Variants in WIZ observed in about 807,000 individuals in gnomAD.
WIZ encodes the protein WIZ zinc finger, also known as protein Wiz.
WIZ carries 25 observed loss-of-function variants against 140.2 expected under a neutral mutation model. The ratio of observed to expected loss-of-function variants is 0.18; its 90% CI spans 0.13 to 0.25. WIZ has a LOEUF of 0.25. Among genes scored for constraint, WIZ ranks in the 10% least tolerant of loss-of-function variants. WIZ has a pLI of 1.00. For synonymous variants in WIZ, 1,125 were observed against 1,154.3 expected (o/e 0.97, Z 0.51); for missense variants, 2,231 against 2,632.6 (o/e 0.85, Z 3.34).
At chr19:15,426,372 C>T (rs1032859671) in intron 9 of WIZ, among the ~76,000 whole-genome samples, 7 of 152,104 alleles carry the variant, frequency 4.6e-5, no homozygotes, top group East Asian at 3.9e-4. Context: ...GACAGGCAAG[C>T]GAGCAAGTGA....
chr19:15,437,618 G>T (rs1410406107), intron 4 of WIZ, among the ~76,000 whole-genome samples: 4 of 152,174 alleles, frequency 2.6e-5, no homozygotes, highest in Non-Finnish European at 4.4e-5. Flanking sequence ...ATTGCCCCAT[G>T]GCACTCCAGC....
chr19:15,427,637 A>G lies in WIZ; in HGVS notation c.3815-104T>C. The G allele has an allele frequency of 7.6e-7, 1 of 1,324,298 alleles. No homozygotes were observed. 82.0% of individuals were successfully genotyped at this position (1,324,298 alleles called of 1,614,324 possible). A position where few individuals can be genotyped will look rare whatever the true frequency, so the allele number is the denominator to read the frequency against. On this transcript the variant is annotated intron_variant, in intron 8 of 12. Transcript: ENST00000673675. The surrounding 1 kb of genome is among the most constrained non-coding windows in gnomAD (Gnocchi z 6.4). ...GGGCGTGGGCGGCAGCAGCACGCCC[A>G]CAGGTTAGGGTGGTGAGGGCAGGTG...
chr19:15,436,884 A>C lies in WIZ; in HGVS notation c.2662T>G (p.Ser888Ala). The part of the protein sequence containing the change: ...PGGPPGSFLT[S>A]RRPRLPLTVP... ...GTGAGAGGTAAGCGGGGCCGACGGG[A>C]GGTCAGGAAGCTGCCAGGCGGACCC... The change falls in exon 5 of 13, where the codon TCC (serine) becomes GCC (alanine). Residue 888 changes from serine to alanine, a missense_variant. Around this residue, in one of 15 missense-constraint regions of WIZ, gnomAD observed 137 missense variants for 135.8 expected, o/e 1.01. Coordinates refer to ENST00000673675, the MANE Select transcript of WIZ (RefSeq NM_001371589.1). 1 of 1,612,816 alleles carries C rather than the reference A, an allele frequency of 6.2e-7. No individual in the cohort carries two copies. Among genetic ancestry groups the C allele is most frequent in the Non-Finnish European group, 8.5e-7 (1 of 1,179,512 alleles).
intron 4 of WIZ, among the ~76,000 whole-genome samples, chr19:15,437,822 GC>G (rs1210922850): frequency 6.6e-6 from 1 of 152,178 alleles, no homozygotes; most frequent in Non-Finnish European, 1.5e-5. Flanking sequence ...TGGATGTAAT[GC>G]CCTCTGCTGG....
rs1969307862 is a variant in WIZ at position 15,432,380 on chromosome 19, C to T, written c.2741-1198G>A. ...AAGGCGTCGGGGGCGGCGGCACCGG[C>T]AGGCGGGATTCCGACCTTCCCCTCC... On this transcript the variant is annotated intron_variant, in intron 5 of 12. Transcript: ENST00000673675. The T allele has an allele frequency of 4.2e-6, 4 of 960,624 alleles. No individual in the cohort carries two copies. The South Asian group carries it at 1.9e-4, about 45-fold the overall frequency. The allele number at this position is 960,624 out of a possible 1,614,324, so 59.5% of individuals were successfully genotyped here. A position where few individuals can be genotyped will look rare whatever the true frequency, so the allele number is the denominator to read the frequency against.
chr19:15,442,581 G>C lies in WIZ; in HGVS notation c.278+95C>G. 1 of 978,914 alleles carries C rather than the reference G, an allele frequency of 1.0e-6. No homozygotes were observed. The highest frequency in any genetic ancestry group is 1.3e-6 in the Non-Finnish European group (1 of 756,848). The allele number at this position is 978,914 out of a possible 1,614,324, so 60.6% of individuals were successfully genotyped here. A position where few individuals can be genotyped will look rare whatever the true frequency, so the allele number is the denominator to read the frequency against. On this transcript the variant is annotated intron_variant, in intron 3 of 12. Coordinates refer to ENST00000673675, the MANE Select transcript of WIZ (RefSeq NM_001371589.1). The surrounding 1 kb of genome is among the most constrained non-coding windows in gnomAD (Gnocchi z 5.5). ...CTGCCTGGCCTCCTGATTCCCTCCT[G>C]TCCCCTTCTCATTCCCCAGGGGCTT...
Position 15,439,972 on chromosome 19 carries a change from G to A in WIZ, c.1022C>T (p.Pro341Leu), listed in dbSNP as rs866487031. The A allele has an allele frequency of 7.8e-6, 12 of 1,535,488 alleles. No homozygotes were observed. The highest frequency in any genetic ancestry group is 2.4e-5 in the East Asian group (1 of 40,874). ...CAGGTCCGCAGGGGGCTCCTGGCCC[G>A]GGGCTCGGCGGTGCTGGCTCATGTG... is the stretch of plus-strand genomic sequence containing the variant. ...LEHMSQHRRA[P>L]GQEPPADLAP... The change falls in exon 4 of 13, where the codon CCG (proline) becomes CTG (leucine). Residue 341 changes from proline to leucine, a missense_variant. Transcript: ENST00000673675. The surrounding 1 kb of genome is among the most constrained non-coding windows in gnomAD (Gnocchi z 7.0).
rs569828101 is a variant in WIZ, at chr19:15,440,841, G to T, written c.279-126C>A. The T allele has an allele frequency of 4.1e-4, 377 of 922,530 alleles. No homozygotes were observed. Among genetic ancestry groups the T allele is most frequent in the Non-Finnish European group, 5.2e-4 (330 of 634,882 alleles). The allele number at this position is 922,530 out of a possible 1,614,324, so 57.1% of individuals were successfully genotyped here. On this transcript the variant is annotated intron_variant, in intron 3 of 12. Coordinates refer to ENST00000673675, the MANE Select transcript of WIZ (RefSeq NM_001371589.1). This position sits in a 1 kb window ranked among gnomAD's most constrained non-coding sequence, Gnocchi z 6.2. ...GAGATCCAGCCCGAGGGTGACAGGGGTGTGGGGGTGAGGGTGGGAGGTAGG... is the reference window on the plus strand; with the variant it reads ...GAGATCCAGCCCGAGGGTGACAGGGTTGTGGGGGTGAGGGTGGGAGGTAGG...
rs1411768187 is a variant in WIZ, at chr19:15,422,653, T to C, written c.*423A>G. ...GAGGTGCGTGTTGTGTGTGTTCGCATGTACATGTGTGTGAGAGGATATTCA... is the reference window on the plus strand; with the variant it reads ...GAGGTGCGTGTTGTGTGTGTTCGCACGTACATGTGTGTGAGAGGATATTCA... On this transcript the variant is annotated 3_prime_UTR_variant, in exon 13 of 13. Coordinates refer to ENST00000673675, the MANE Select transcript of WIZ (RefSeq NM_001371589.1). 1.6e-5 allele frequency: 3 copies of C among 182,038 alleles called. No homozygotes were observed. Among genetic ancestry groups the C allele is most frequent in the African/African-American group, 7.1e-5 (3 of 42,390 alleles). The allele number at this position is 182,038 out of a possible 1,614,324, so 11.3% of individuals were successfully genotyped here.
rs774275162 is a variant in WIZ at position 15,439,125 on chromosome 19, C to CTCT, written c.1868_1869insAGA (p.Glu624dup). The CTCT allele has an allele frequency of 9.4e-6, 14 of 1,486,714 alleles. No homozygotes were observed. The highest frequency in any genetic ancestry group is 2.5e-5 in the East Asian group (1 of 39,982). The allele number at this position is 1,486,714 out of a possible 1,614,324, so 92.1% of individuals were successfully genotyped here. ...TCTCGGAGGTCAGCACTACATCCTCCTCCTCCTCCTCCTCCTCCTCCTCTT... is the reference window on the plus strand; with the variant it reads ...TCTCGGAGGTCAGCACTACATCCTCCTCTTCCTCCTCCTCCTCCTCCTCCTCTT... On this transcript the variant is annotated inframe_insertion, in exon 4 of 13. Transcript: ENST00000673675. This position sits in a 1 kb window ranked among gnomAD's most constrained non-coding sequence, Gnocchi z 7.0.
At chr19:15,430,200 G>A in intron 6 of WIZ, 111 bp from the exon 7 acceptor site, 1 of 1,400,370 alleles carries the variant, frequency 7.1e-7, no homozygotes, top group Non-Finnish European at 9.3e-7. Flanking sequence ...GAAGTGTTTT[G>A]CCTCCGTCAG....
chr19:15,433,354 G>A, intron 5 of WIZ: 1 of 985,248 alleles, frequency 1.0e-6, no homozygotes. Flanking sequence ...ACATTGCCCC[G>A]CCCCCAACCT....
intron 5 of WIZ, among the ~76,000 whole-genome samples, chr19:15,435,038 C>T (rs1022418135): frequency 1.3e-5 from 2 of 152,030 alleles, no homozygotes; most frequent in African/African-American, 4.8e-5. Flanking sequence ...ACCATCCTGG[C>T]TAACATAGTG....
In WIZ at chr19:15,423,037, A is replaced by T. The variant is rs749310500; in HGVS notation, c.*39T>A. ...GGACACAGAGGAGGAAGAAGAGGAG[A>T]CAGAGGTGGCACGAGAGGGGATCTG... On this transcript the variant is annotated 3_prime_UTR_variant, in exon 13 of 13. Coordinates refer to ENST00000673675, the MANE Select transcript of WIZ (RefSeq NM_001371589.1). 2.7e-5 allele frequency: 43 copies of T among 1,600,014 alleles called. No homozygotes were observed. In the South Asian group the frequency reaches 4.4e-4, roughly 16 times the overall value.
Position 15,427,546 on chromosome 19 carries a change from G to T in WIZ, c.3815-13C>A, listed in dbSNP as rs775321955. 1.9e-6 allele frequency: 3 copies of T among 1,598,728 alleles called. No homozygotes were observed. Among genetic ancestry groups the T allele is most frequent in the Non-Finnish European group, 2.6e-6 (3 of 1,170,222 alleles). On this transcript the variant is annotated splice_polypyrimidine_tract_variant and intron_variant, in intron 8 of 12. Transcript: ENST00000673675. The surrounding 1 kb of genome is among the most constrained non-coding windows in gnomAD (Gnocchi z 6.4). The stretch of plus-strand genomic sequence containing the variant: ...TCTGGGCCTGAGGCTGCAGCAGGAG[G>T]AGAAAGGGGCAGTTAGCATCGTGGA...
At chr19:15,432,754 C>T (rs916574716) in intron 5 of WIZ, among the ~76,000 whole-genome samples, 1 of 151,360 alleles carries the variant, frequency 6.6e-6, no homozygotes, top group African/African-American at 2.4e-5. Flanking sequence ...AGCAGCTGAG[C>T]GCCGAGTGCC....
intron 4 of WIZ, among the ~76,000 whole-genome samples, chr19:15,437,941 G>A (rs772104717): frequency 1.1e-4 from 16 of 152,096 alleles, no homozygotes; most frequent in African/African-American, 3.4e-4. Context: ...ACTCGGTGTC[G>A]TCACTGCCTG....
Position 15,439,174 on chromosome 19 carries a change from C to T in WIZ, c.1820G>A (p.Gly607Glu). Residue 607 changes from glycine to glutamate, a missense_variant, in exon 4 of 13, where the codon GGG becomes GAG. Coordinates refer to ENST00000673675, the MANE Select transcript of WIZ (RefSeq NM_001371589.1). The surrounding 1 kb of genome is among the most constrained non-coding windows in gnomAD (Gnocchi z 7.0). Reference protein sequence around the residue: ...NKSTVHPQGLGERRRPWSEEE... With the variant: ...NKSTVHPQGLEERRRPWSEEE... The stretch of plus-strand genomic sequence containing the variant: ...TTCGCTCCAAGGGCGCCTCCGTTCC[C>T]CCAGCCCTTGTGGGTGGACGGTGCT... The T allele has an allele frequency of 6.5e-7, 1 of 1,534,442 alleles. No individual in the cohort carries two copies. Among genetic ancestry groups the T allele is most frequent in the Non-Finnish European group, 8.7e-7 (1 of 1,145,830 alleles).
In WIZ at chr19:15,440,847, G is replaced by T; in HGVS notation, c.279-132C>A. On this transcript the variant is annotated intron_variant, in intron 3 of 12. Coordinates refer to ENST00000673675, the MANE Select transcript of WIZ (RefSeq NM_001371589.1). The surrounding 1 kb of genome is among the most constrained non-coding windows in gnomAD (Gnocchi z 6.2). ...CAGCCCGAGGGTGACAGGGGTGTGG[G>T]GGTGAGGGTGGGAGGTAGGGGGAGT... The T allele has an allele frequency of 1.1e-6, 1 of 875,056 alleles. No homozygotes were observed. Among genetic ancestry groups the T allele is most frequent in the Non-Finnish European group, 1.7e-6 (1 of 591,500 alleles). 54.2% of individuals were successfully genotyped at this position (875,056 alleles called of 1,614,324 possible). A position where few individuals can be genotyped will look rare whatever the true frequency, so the allele number is the denominator to read the frequency against.
Sources: gnomAD v4.1 joint callset for allele counts (sites outside exome capture counted in the v4.1 genomes callset) on GRCh38, gnomAD v4.1.1 for gene constraint, gnomAD v4.1.1 regional missense constraint, Gnocchi (gnomAD v3.1) non-coding constraint, MANE v1.5 for transcripts, NCBI Gene and HGNC (gene_info 2026-07-23, HGNC 2026-07-21) for gene names.